PHTF2: variants seen among roughly 807,000 people sequenced by gnomAD.
PHTF2 encodes the protein protein PHTF2.
Under a neutral mutation model 101.2 loss-of-function variants are expected in PHTF2, and 60 were observed. The observed-to-expected ratio is 0.59, with a 90% CI of 0.48 to 0.73. PHTF2 has a LOEUF of 0.73. Ranked by LOEUF, PHTF2 falls within the 30% of genes least tolerant of loss-of-function variation. The pLI, the probability that PHTF2 is intolerant of heterozygous loss-of-function variation, is 0.00. For synonymous variants in PHTF2, 311 were observed against 307.3 expected, an observed-to-expected ratio of 1.01 and a Z score of -0.13; for missense variants, 747 against 908.7, an observed-to-expected ratio of 0.82 and a Z score of 2.29.
chr7:77,943,743 C>T (rs1162684308), intron 16 of PHTF2, among the ~76,000 whole-genome samples: 1 of 152,132 alleles, frequency 6.6e-6, no homozygotes, highest in African/African-American at 2.4e-5. Context: ...ACAGGCCGGG[C>T]ACAGTGGCTC....
chr7:77,849,063 A>G (rs1796530891), intron 2 of PHTF2, among the ~76,000 whole-genome samples: 2 of 151,944 alleles, frequency 1.3e-5, no homozygotes, highest in African/African-American at 4.8e-5. Context: ...CTGGGCTTCT[A>G]TTGTGTTCCA....
chr7:77,914,283 G>T (rs1802695539), intron 9 of PHTF2, among the ~76,000 whole-genome samples: 1 of 152,050 alleles, frequency 6.6e-6, no homozygotes, highest in East Asian at 1.9e-4. Flanking sequence ...AGTCAGGAAG[G>T]CTTCACATTT....
At chr7:77,954,741 A>T in intron 19 of PHTF2, 117 bp from the exon 19 acceptor site, 1 of 588,862 alleles carries the variant, frequency 1.7e-6, no homozygotes. Flanking sequence ...GAGTTAAAAT[A>T]TTAGAAACTG....
intron 3 of PHTF2, among the ~76,000 whole-genome samples, chr7:77,884,394 C>T (rs1380356767): frequency 1.3e-5 from 2 of 152,046 alleles, no homozygotes; most frequent in African/African-American, 4.8e-5. Context: ...CCCACCCTAC[C>T]CCTTCTGAGT....
At chr7:77,815,495 C>T (rs910321396) in intron 1 of PHTF2, among the ~76,000 whole-genome samples, 1 of 152,164 alleles carries the variant, frequency 6.6e-6, no homozygotes, top group Non-Finnish European at 1.5e-5. Context: ...TATCAAAGTT[C>T]TGCAGATAGA....
At chr7:77,925,099 A>C (rs549547132) in intron 11 of PHTF2, among the ~76,000 whole-genome samples, 18 of 152,294 alleles carry the variant, frequency 1.2e-4, no homozygotes, top group Admixed American at 4.6e-4. Context: ...TTTTCATCCC[A>C]GAAAGGTAAC....
chr7:77,954,353 C>G (rs971881406), intron 19 of PHTF2, among the ~76,000 whole-genome samples: 1 of 151,988 alleles, frequency 6.6e-6, no homozygotes, highest in Admixed American at 6.6e-5. Flanking sequence ...AGGCTGGTCT[C>G]GAACTCCTGA....
chr7:77,890,701 G>C (rs1210248230), intron 3 of PHTF2, among the ~76,000 whole-genome samples: 2 of 149,696 alleles, frequency 1.3e-5, no homozygotes, highest in Non-Finnish European at 3.0e-5. Flanking sequence ...CGCCTCCCGG[G>C]TTCACGCCAT....
At chr7:77,887,594 A>G (rs956727961) in intron 3 of PHTF2, among the ~76,000 whole-genome samples, 1 of 152,252 alleles carries the variant, frequency 6.6e-6, no homozygotes, top group Non-Finnish European at 1.5e-5. Flanking sequence ...GGTCACAGTA[A>G]TTAGGAATTA....
At chr7:77,839,810 T>G (rs533620688) in intron 1 of PHTF2, among the ~76,000 whole-genome samples, 20 of 152,312 alleles carry the variant, frequency 1.3e-4, no homozygotes, top group Non-Finnish European at 2.5e-4. Flanking sequence ...AATTCTGTCA[T>G]CTCTGTTAAG....
intron 10 of PHTF2, 32 bp from the exon 10 acceptor site, chr7:77,922,591 C>A: frequency 6.4e-7 from 1 of 1,560,188 alleles, no homozygotes; most frequent in South Asian, 1.2e-5. Flanking sequence ...TTAGAAATTA[C>A]CTATAATCCT....
chr7:77,927,177 A>AAAAATATATATATAT (rs1554388762), intron 11 of PHTF2, among the ~76,000 whole-genome samples: 2 of 78,130 alleles, frequency 2.6e-5, no homozygotes, highest in Non-Finnish European at 4.9e-5. Flanking sequence ...AAAAAAAAAA[A>AAAAATATATATATAT]ATATATATAT....
intron 16 of PHTF2, among the ~76,000 whole-genome samples, chr7:77,948,902 A>G (rs1010489707): frequency 2.0e-5 from 3 of 152,218 alleles, no homozygotes; most frequent in African/African-American, 7.2e-5. Context: ...TGTAATATCC[A>G]AGAACCCAGT....
chr7:77,952,812 A>G (rs79018517), intron 18 of PHTF2, among the ~76,000 whole-genome samples: 2,005 of 152,302 alleles, frequency 0.013, 47 homozygotes, highest in African/African-American at 0.045. Context: ...GGGACTTAAC[A>G]TAGATCGTAC....
chr7:77,834,192 T>TAG (rs1314472275), intron 1 of PHTF2, among the ~76,000 whole-genome samples: 2 of 151,358 alleles, frequency 1.3e-5, no homozygotes, highest in South Asian at 2.1e-4. Context: ...TACATGCCTA[T>TAG]AGTCACAGCT....
In PHTF2 at chr7:77,952,883, A is replaced by G. The variant is rs556286798; in HGVS notation, c.2212-886A>G. Among the ~76,000 whole-genome samples, 3 of 152,262 alleles carry G rather than the reference A, an allele frequency of 2.0e-5. No individual in the cohort carries two copies. In the South Asian group the frequency reaches 6.2e-4, roughly 32 times the overall value. ...CAAGTCCGCTGATTCAGTCTTTTAA[A>G]TATCTTCCAATTCATCCTCTTCTCT... is the stretch of plus-strand genomic sequence containing the variant. On this transcript the variant is annotated intron_variant, in intron 18 of 19. Coordinates refer to ENST00000416283, the Ensembl canonical transcript of PHTF2.
At chr7:77,808,704 T>A (rs777091898) in intron 1 of PHTF2, among the ~76,000 whole-genome samples, 17 of 152,244 alleles carry the variant, frequency 1.1e-4, no homozygotes, top group Non-Finnish European at 2.4e-4. Context: ...TCTAGCCACC[T>A]TGGTATCTCA....
intron 1 of PHTF2, among the ~76,000 whole-genome samples, chr7:77,838,808 CAT>C (rs1352924338): frequency 6.6e-6 from 1 of 152,128 alleles, no homozygotes; most frequent in Non-Finnish European, 1.5e-5. Context: ...AATTTCAAAA[CAT>C]AGTTTGCTTG....
At chr7:77,856,216 A>G (rs1236311745) in intron 3 of PHTF2, among the ~76,000 whole-genome samples, 1 of 152,208 alleles carries the variant, frequency 6.6e-6, no homozygotes, top group Non-Finnish European at 1.5e-5. Flanking sequence ...CTCATCTCTA[A>G]AAAATAAAAA....
Sources: gnomAD v4.1 joint callset for allele counts (sites outside exome capture counted in the v4.1 genomes callset) on GRCh38, gnomAD v4.1.1 for gene constraint, MANE v1.5 for transcripts, NCBI Gene and HGNC (gene_info 2026-07-23, HGNC 2026-07-21) for gene names.